SDK1: variants seen among roughly 807,000 people sequenced by gnomAD.
SDK1 encodes protein sidekick-1.
Under a neutral mutation model 245.5 loss-of-function variants are expected in SDK1, and 157 were observed. The observed-to-expected ratio is 0.64, with a 90% CI of 0.56 to 0.73. The LOEUF (loss-of-function observed/expected upper bound fraction) is 0.73. SDK1 is among the 30% of genes least tolerant of loss of function. SDK1 has a pLI of 0.00. For missense variants in SDK1, 3,583 were observed against 3,002.3 expected, an observed-to-expected ratio of 1.19 and a Z score of -4.52; for synonymous variants, 1,647 against 1,278.5, an observed-to-expected ratio of 1.29 and a Z score of -6.15.
At chr7:3,919,374 C>T (rs973425400) in intron 5 of SDK1, among the ~76,000 whole-genome samples, 1 of 152,220 alleles carries the variant, frequency 6.6e-6, no homozygotes, top group African/African-American at 2.4e-5. Flanking sequence ...TCTGCTGCTG[C>T]CATGGGAACC....
intron 17 of SDK1, among the ~76,000 whole-genome samples, chr7:4,038,631 T>G (rs1349864947): frequency 6.6e-6 from 1 of 152,250 alleles, no homozygotes; most frequent in Non-Finnish European, 1.5e-5. Flanking sequence ...AACATGTTGC[T>G]GACAGTTTCT....
intron 4 of SDK1, among the ~76,000 whole-genome samples, chr7:3,817,752 C>G (rs186745723): frequency 1.5e-4 from 23 of 152,320 alleles, no homozygotes; most frequent in Admixed American, 1.0e-3. Flanking sequence ...AGAGACCCAG[C>G]TAGCTACTCT....
chr7:3,422,748 G>A (rs1019153204), intron 1 of SDK1, among the ~76,000 whole-genome samples: 3 of 152,126 alleles, frequency 2.0e-5, no homozygotes, highest in Non-Finnish European at 4.4e-5. Context: ...AAAAGGTGGG[G>A]GAAAAGCAGG....
intron 5 of SDK1, among the ~76,000 whole-genome samples, chr7:3,884,845 A>G (rs988170613): frequency 3.9e-5 from 6 of 152,186 alleles, no homozygotes; most frequent in Admixed American, 2.0e-4. Context: ...TGAATTACAG[A>G]TTAGCTGATG....
At chr7:3,739,413 A>G (rs1235732189) in intron 4 of SDK1, among the ~76,000 whole-genome samples, 1 of 151,852 alleles carries the variant, frequency 6.6e-6, no homozygotes, top group African/African-American at 2.4e-5. Flanking sequence ...TCCATCTTCT[A>G]TTTCTATTAG....
intron 1 of SDK1, among the ~76,000 whole-genome samples, chr7:3,439,918 A>G (rs899340213): frequency 6.7e-5 from 9 of 134,810 alleles, no homozygotes; most frequent in African/African-American, 2.3e-4. Context: ...TAACTCCCAA[A>G]CTACCCTGTG....
At chr7:4,252,695 A>C (rs1222129945) in intron 44 of SDK1, among the ~76,000 whole-genome samples, 1 of 152,140 alleles carries the variant, frequency 6.6e-6, no homozygotes, top group Non-Finnish European at 1.5e-5. Flanking sequence ...TATTTCTTCC[A>C]CAACTGGTAT....
At chr7:3,480,485 G>A (rs1467565818) in intron 1 of SDK1, among the ~76,000 whole-genome samples, 1 of 152,028 alleles carries the variant, frequency 6.6e-6, no homozygotes, top group Non-Finnish European at 1.5e-5. Flanking sequence ...GTGCACATAC[G>A]CTCATGTAGG....
intron 1 of SDK1, among the ~76,000 whole-genome samples, chr7:3,430,993 C>T (rs557598016): frequency 6.6e-6 from 1 of 152,268 alleles, no homozygotes; most frequent in African/African-American, 2.4e-5. Flanking sequence ...CTCCGCCTCT[C>T]GGGTTCAAGT....
At chr7:4,177,322 C>T (rs557174128) in intron 34 of SDK1, among the ~76,000 whole-genome samples, 26 of 152,348 alleles carry the variant, frequency 1.7e-4, no homozygotes, top group Admixed American at 1.4e-3. Context: ...AAAGCCAAGC[C>T]ACCCACAGAG....
intron 5 of SDK1, among the ~76,000 whole-genome samples, chr7:3,935,313 A>G (rs1275866486): frequency 1.3e-5 from 2 of 152,200 alleles, no homozygotes; most frequent in African/African-American, 2.4e-5. Context: ...TAAAACTCCT[A>G]GAAGAAAACT....
At chr7:3,913,136 A>G (rs1004283770) in intron 5 of SDK1, among the ~76,000 whole-genome samples, 1 of 152,108 alleles carries the variant, frequency 6.6e-6, no homozygotes, top group Admixed American at 6.5e-5. Flanking sequence ...AGCAAGGGGT[A>G]CCGGGGGCCC....
At chr7:3,489,820 A>T (rs765835378) in intron 1 of SDK1, among the ~76,000 whole-genome samples, 1 of 152,226 alleles carries the variant, frequency 6.6e-6, no homozygotes, top group African/African-American at 2.4e-5. Context: ...AAATGCAGCA[A>T]GATTCATGCT....
At chr7:3,815,510 G>A (rs1225732971) in intron 4 of SDK1, among the ~76,000 whole-genome samples, 1 of 150,308 alleles carries the variant, frequency 6.7e-6, no homozygotes, top group Non-Finnish European at 1.5e-5. Context: ...GCTGGATTCA[G>A]TTTGCCAGTA....
chr7:4,206,389 C>A (rs567999388), intron 36 of SDK1, among the ~76,000 whole-genome samples: 8 of 152,344 alleles, frequency 5.3e-5, no homozygotes, highest in African/African-American at 1.9e-4. Context: ...ACCAGGCTCC[C>A]CATCCCAGCT....
chr7:3,552,093 C>A (rs544325547), intron 1 of SDK1, among the ~76,000 whole-genome samples: 1 of 151,754 alleles, frequency 6.6e-6, no homozygotes, highest in Non-Finnish European at 1.5e-5. Context: ...GGCTGGAGTG[C>A]GGTGGCGCAA....
intron 1 of SDK1, among the ~76,000 whole-genome samples, chr7:3,606,403 G>T (rs534995544): frequency 6.6e-5 from 10 of 152,274 alleles, no homozygotes; most frequent in South Asian, 2.1e-4. Flanking sequence ...TGCGGAGTGA[G>T]GTAGTGAAGT....
intron 1 of SDK1, among the ~76,000 whole-genome samples, chr7:3,590,907 C>T (rs1388860212): frequency 6.6e-6 from 1 of 151,830 alleles, no homozygotes; most frequent in Non-Finnish European, 1.5e-5. Flanking sequence ...CTCAGCTTCC[C>T]AAGTAGCTGA....
intron 5 of SDK1, among the ~76,000 whole-genome samples, chr7:3,941,169 C>CTCTCTCCT (rs1780354592): frequency 6.6e-6 from 1 of 152,020 alleles, no homozygotes; most frequent in African/African-American, 2.4e-5. Context: ...GCCTCTGTCC[C>CTCTCTCCT]TCTCTCCTCT....
Sources: allele counts gnomAD v4.1 joint callset (sites outside exome capture counted in the v4.1 genomes callset), GRCh38; gene constraint gnomAD v4.1.1; transcripts MANE v1.5; gene names NCBI Gene and HGNC (gene_info 2026-07-23, HGNC 2026-07-21).